Variants in DTX1 observed in about 807,000 individuals in gnomAD.
DTX1 encodes the protein E3 ubiquitin-protein ligase DTX1.
In DTX1, 26 loss-of-function variants were observed where a neutral mutation model predicts 57.8. That is an observed-to-expected ratio of 0.45 (90% CI 0.33 to 0.62). The LOEUF is 0.62. DTX1 is among the 20% of genes least tolerant of loss of function. DTX1 has a pLI of 0.02. For synonymous variants in DTX1, 398 were observed against 394.1 expected, an observed-to-expected ratio of 1.01 and a Z score of -0.12; for missense variants, 704 against 895.3, an observed-to-expected ratio of 0.79 and a Z score of 2.73.
At chr12:113,060,105 G>A (rs138749950) in intron 2 of DTX1, among the ~76,000 whole-genome samples, 3 of 152,314 alleles carry the variant, frequency 2.0e-5, no homozygotes, top group Admixed American at 6.5e-5. Flanking sequence ...AAACACAGGC[G>A]AATTCATAAC....
intron 2 of DTX1, among the ~76,000 whole-genome samples, chr12:113,074,485 GGAGT>G (rs1253312453): frequency 6.6e-6 from 1 of 152,238 alleles, no homozygotes; most frequent in Non-Finnish European, 1.5e-5. Flanking sequence ...TGGCTGGAAT[GGAGT>G]GAGTGATAAG....
chr12:113,087,483 C>T (rs1196601753), intron 3 of DTX1, among the ~76,000 whole-genome samples: 2 of 151,908 alleles, frequency 1.3e-5, no homozygotes, highest in Non-Finnish European at 2.9e-5. Context: ...GGCTGTGTTC[C>T]CCAGGACTGT....
chr12:113,079,081 A>G (rs1319932711), intron 3 of DTX1, among the ~76,000 whole-genome samples: 2 of 152,156 alleles, frequency 1.3e-5, no homozygotes, highest in Admixed American at 1.3e-4. Context: ...CCCAGGCCCC[A>G]GGATAGGGAC....
intron 2 of DTX1, among the ~76,000 whole-genome samples, chr12:113,073,595 C>G (rs555782931): frequency 6.6e-6 from 1 of 152,298 alleles, no homozygotes; most frequent in East Asian, 1.9e-4. Flanking sequence ...ATTTCTCCAG[C>G]TATTGGGGCC....
chr12:113,069,171 T>G (rs898502720), intron 2 of DTX1, among the ~76,000 whole-genome samples: 3 of 152,184 alleles, frequency 2.0e-5, no homozygotes, highest in African/African-American at 7.2e-5. Context: ...ATTACAATTA[T>G]GCCATTTCAC....
At position 113,067,800 on chromosome 12, in the gene DTX1, G is replaced by C. The variant is rs145076343; in HGVS notation, c.259+9349G>C. 3.6e-4 allele frequency among the ~76,000 whole-genome samples: 55 copies of C among 152,272 alleles called. 1 individual carries two copies. The East Asian group carries it at 9.5e-3, about 26-fold the overall frequency. ...GAATCCCAGCACTTTGGGAGGCTGA[G>C]ACAGGAGGATCACTTGAGCACAGGA... is the stretch of plus-strand genomic sequence containing the variant. On this transcript the variant is annotated intron_variant, in intron 2 of 9. Transcript: ENST00000548759.
intron 2 of DTX1, among the ~76,000 whole-genome samples, chr12:113,075,188 G>T (rs1224021455): frequency 6.6e-6 from 1 of 152,218 alleles, no homozygotes; most frequent in East Asian, 1.9e-4. Flanking sequence ...TTCAACATGA[G>T]AAAACTGGGG....
chr12:113,071,546 G>A (rs1489480275), intron 2 of DTX1, among the ~76,000 whole-genome samples: 1 of 152,242 alleles, frequency 6.6e-6, no homozygotes, highest in Non-Finnish European at 1.5e-5. Context: ...GTCTGCTCTG[G>A]GCCACCAGCC....
In DTX1 at chr12:113,093,390, C is replaced by G. The variant is rs1950261081; in HGVS notation, c.1004-149C>G. 2.3e-6 allele frequency: 3 copies of G among 1,332,752 alleles called. No homozygotes were observed. Among genetic ancestry groups the G allele is most frequent in the Non-Finnish European group, 2.0e-6 (2 of 1,000,872 alleles). The allele number at this position is 1,332,752 out of a possible 1,614,324, so 82.6% of individuals were successfully genotyped here. ...GGGCGGGCGTGGCCCGCAGAAAGGC[C>G]CTTCAGGGGCCTTCAAGGGGCTGAG... On this transcript the variant is annotated intron_variant, in intron 4 of 9. Transcript: ENST00000548759. This position sits in a 1 kb window ranked among gnomAD's most constrained non-coding sequence, Gnocchi z 4.2.
At chr12:113,071,422 A>G (rs1031978335) in intron 2 of DTX1, among the ~76,000 whole-genome samples, 1 of 152,216 alleles carries the variant, frequency 6.6e-6, no homozygotes, top group African/African-American at 2.4e-5. Flanking sequence ...AGACACAAAA[A>G]CAGGCCGAGG....
At chr12:113,091,037 C>T (rs979700024) in intron 3 of DTX1, among the ~76,000 whole-genome samples, 5 of 152,192 alleles carry the variant, frequency 3.3e-5, no homozygotes, top group Non-Finnish European at 5.9e-5. Context: ...GGCTGCAGCG[C>T]GCCGGGGGCT....
Position 113,077,461 on chromosome 12 carries a change from G to A in DTX1, c.297G>A (p.Pro99=), listed in dbSNP as rs748604667. ...MRPVRRNFYD[P]SSAPGKGIVW... Reference sequence around the variant, plus strand: ...CCGTGCGGCGCAACTTCTACGACCCGTCGTCGGCGCCGGGCAAGGGCATCG... The same window carrying A: ...CCGTGCGGCGCAACTTCTACGACCCATCGTCGGCGCCGGGCAAGGGCATCG... The change falls in exon 3 of 10, where the codon CCG becomes CCA. Residue 99 remains proline (P), a synonymous_variant. Coordinates refer to ENST00000548759, the MANE Select transcript of DTX1 (RefSeq NM_004416.3). This position sits in a 1 kb window ranked among gnomAD's most constrained non-coding sequence, Gnocchi z 7.8. The A allele has an allele frequency of 2.5e-6, 4 of 1,611,388 alleles. No homozygotes were observed. Among genetic ancestry groups the A allele is most frequent in the Non-Finnish European group, 3.4e-6 (4 of 1,179,744 alleles).
chr12:113,078,730 T>G (rs2044794435), intron 3 of DTX1, among the ~76,000 whole-genome samples: 1 of 152,158 alleles, frequency 6.6e-6, no homozygotes, highest in Non-Finnish European at 1.5e-5. Context: ...TCAGAGTCCA[T>G]CTGTCCTTGT....
chr12:113,075,444 G>T lies in DTX1; in HGVS notation c.260-1980G>T, dbSNP rs114237068. 5.4e-3 allele frequency among the ~76,000 whole-genome samples: 818 copies of T among 152,350 alleles called. 6 individuals are homozygous for T. Among genetic ancestry groups the T allele is most frequent in the African/African-American group, 0.019 (776 of 41,574 alleles). On this transcript the variant is annotated intron_variant, in intron 2 of 9. Coordinates refer to ENST00000548759, the MANE Select transcript of DTX1 (RefSeq NM_004416.3). Reference sequence around the variant, plus strand: ...TTAAGGGACTTTCCCGCAGTTGAGGGGAAGTCAAGTGTGCAGCCTTTCTGC... The same window carrying T: ...TTAAGGGACTTTCCCGCAGTTGAGGTGAAGTCAAGTGTGCAGCCTTTCTGC...
rs1396362690 is a variant in DTX1 at position 113,097,067 on chromosome 12, AG to A, written c.*132del. The stretch of plus-strand genomic sequence containing the variant: ...CCTGCGGAAGGGGCCGCAGCCATTC[AG>A]GGGACCTGCCTGGTGGCAGCTGGGA... On this transcript the variant is annotated 3_prime_UTR_variant, in exon 10 of 10. Transcript: ENST00000548759. The A allele has an allele frequency of 1.9e-6, 2 of 1,045,678 alleles. No individual in the cohort carries two copies. Among genetic ancestry groups the A allele is most frequent in the Non-Finnish European group, 1.3e-6 (1 of 743,218 alleles). The allele number at this position is 1,045,678 out of a possible 1,614,324, so 64.8% of individuals were successfully genotyped here.
intron 9 of DTX1, among the ~76,000 whole-genome samples, chr12:113,096,465 AAAAG>A (rs1474509283): frequency 6.6e-6 from 1 of 151,048 alleles, no homozygotes; most frequent in African/African-American, 2.4e-5. Context: ...AAAAAAAAGA[AAAAG>A]AAAAAAAAGA....
intron 2 of DTX1, among the ~76,000 whole-genome samples, chr12:113,074,342 A>T (rs1002054645): frequency 2.6e-5 from 4 of 152,222 alleles, no homozygotes; most frequent in Admixed American, 6.5e-5. Context: ...CACACCTGTA[A>T]GAAAGAAGGG....
intron 2 of DTX1, among the ~76,000 whole-genome samples, chr12:113,065,705 G>A (rs2136425107): frequency 6.6e-6 from 1 of 152,246 alleles, no homozygotes; most frequent in South Asian, 2.1e-4. Context: ...TGGAGGGGAT[G>A]GTGAAGAAGG....
Position 113,057,956 on chromosome 12 carries a change from G to C in DTX1, c.-237G>C. ...GCATAAGAGAGACACTTGCTTTCCA[G>C]GGCAGCACCCTTTATCGGAGAAGGC... On this transcript the variant is annotated 5_prime_UTR_variant, in exon 2 of 10. Coordinates refer to ENST00000548759, the MANE Select transcript of DTX1 (RefSeq NM_004416.3). 1.6e-6 allele frequency: 1 copy of C among 631,390 alleles called. No homozygotes were observed. Among genetic ancestry groups the C allele is most frequent in the Non-Finnish European group, 2.6e-6 (1 of 378,408 alleles). The allele number at this position is 631,390 out of a possible 1,614,324, so 39.1% of individuals were successfully genotyped here. A position where few individuals can be genotyped will look rare whatever the true frequency, so the allele number is the denominator to read the frequency against.
Sources: gnomAD v4.1 joint callset for allele counts (sites outside exome capture counted in the v4.1 genomes callset) on GRCh38, gnomAD v4.1.1 for gene constraint, Gnocchi (gnomAD v3.1) non-coding constraint, MANE v1.5 for transcripts, NCBI Gene and HGNC (gene_info 2026-07-23, HGNC 2026-07-21) for gene names.